DDX10: variants seen among roughly 807,000 people sequenced by gnomAD.
The protein encoded by DDX10 is probable ATP-dependent RNA helicase DDX10.
In DDX10, 74 loss-of-function variants were observed where a neutral mutation model predicts 104.3. The observed-to-expected ratio is 0.71, with a 90% CI of 0.59 to 0.86. The LOEUF is 0.86. Among genes scored for constraint, DDX10 ranks in the 40% least tolerant of loss-of-function variants. DDX10 has a pLI of 0.00. For synonymous variants in DDX10, 351 were observed against 353.4 expected (o/e 0.99, Z 0.08); for missense variants, 952 against 1,040.0 (o/e 0.92, Z 1.16).
intron 13 of DDX10, among the ~76,000 whole-genome samples, chr11:108,776,822 A>G (rs1471030006): frequency 6.6e-6 from 1 of 152,220 alleles, no homozygotes; most frequent in Non-Finnish European, 1.5e-5. Context: ...TCCCTGGCTG[A>G]CAGCCAGCAA....
At chr11:108,795,863 T>C (rs983401580) in intron 13 of DDX10, among the ~76,000 whole-genome samples, 10 of 152,206 alleles carry the variant, frequency 6.6e-5, no homozygotes, top group African/African-American at 2.4e-4. Flanking sequence ...TACCCAGTAA[T>C]GGGATGGCTG....
At chr11:108,936,211 A>G (rs1023347707) in intron 17 of DDX10, among the ~76,000 whole-genome samples, 25 of 152,304 alleles carry the variant, frequency 1.6e-4, no homozygotes, top group Non-Finnish European at 3.1e-4. Flanking sequence ...TTCAGATTAC[A>G]TATTACATGC....
Position 108,665,204 on chromosome 11 carries a change from G to T in DDX10, c.51G>T (p.Val17=). ...GTTCGGGAGCCCGACCCGACCCGGT[G>T]CGGAGCTTCAATCGCTGGAAGAAAA... ...SPGSGARPDP[V]RSFNRWKKKH... Residue 17 remains valine (V), a synonymous_variant, in exon 1 of 18, where the codon GTG becomes GTT. Transcript: ENST00000322536. 9 of 1,613,510 alleles carry T rather than the reference G, an allele frequency of 5.6e-6. No individual in the cohort carries two copies. The highest frequency in any genetic ancestry group is 7.6e-6 in the Non-Finnish European group (9 of 1,179,800).
At chr11:108,808,920 T>C (rs1453358640) in intron 13 of DDX10, among the ~76,000 whole-genome samples, 2 of 152,194 alleles carry the variant, frequency 1.3e-5, no homozygotes, top group Non-Finnish European at 2.9e-5. Flanking sequence ...GTTTTTATAA[T>C]TGAACATAGT....
chr11:108,904,418 G>T (rs981443050), intron 16 of DDX10, among the ~76,000 whole-genome samples: 1 of 152,044 alleles, frequency 6.6e-6, no homozygotes, highest in Non-Finnish European at 1.5e-5. Flanking sequence ...GAATGCACAT[G>T]GTTAATGGAT....
intron 16 of DDX10, among the ~76,000 whole-genome samples, chr11:108,871,453 T>C (rs1863080838): frequency 6.6e-6 from 1 of 152,194 alleles, no homozygotes; most frequent in Non-Finnish European, 1.5e-5. Flanking sequence ...TTGCATTTGA[T>C]TCATCCCCTT....
chr11:108,695,217 T>A (rs2094258047), intron 9 of DDX10, among the ~76,000 whole-genome samples: 1 of 152,216 alleles, frequency 6.6e-6, no homozygotes, highest in South Asian at 2.1e-4. Context: ...GTTTAAGAAT[T>A]GGAATTTATT....
At chr11:108,801,926 CAT>C (rs973591528) in intron 13 of DDX10, among the ~76,000 whole-genome samples, 4 of 151,460 alleles carry the variant, frequency 2.6e-5, no homozygotes, top group Non-Finnish European at 4.4e-5. Context: ...AAATTCTCAA[CAT>C]AGCACTGTTC....
chr11:108,675,587 T>C lies in DDX10; in HGVS notation c.248-9T>C. On this transcript the variant is annotated splice_polypyrimidine_tract_variant and intron_variant, in intron 2 of 17. Coordinates refer to ENST00000322536, the MANE Select transcript of DDX10 (RefSeq NM_004398.4). ...TTCTAAAGTATAATTCTTCCCTCCA[T>C]GTTGCCAGGTTTGCAAGAAGCTCAG... The C allele has an allele frequency of 9.3e-6, 15 of 1,613,076 alleles. No homozygotes were observed. The highest frequency in any genetic ancestry group is 1.1e-5 in the Non-Finnish European group (13 of 1,179,574).
chr11:108,777,428 C>G (rs2094371430), intron 13 of DDX10, among the ~76,000 whole-genome samples: 1 of 152,044 alleles, frequency 6.6e-6, no homozygotes. Flanking sequence ...CTCCTGGATT[C>G]AAGCGAATCC....
At chr11:108,893,980 A>C (rs1184708239) in intron 16 of DDX10, among the ~76,000 whole-genome samples, 3 of 152,098 alleles carry the variant, frequency 2.0e-5, no homozygotes, top group Non-Finnish European at 4.4e-5. Flanking sequence ...TGGAAAACTG[A>C]TTATATTAAA....
intron 6 of DDX10, among the ~76,000 whole-genome samples, chr11:108,685,476 A>G (rs1386862033): frequency 3.3e-5 from 5 of 151,934 alleles, no homozygotes; most frequent in Non-Finnish European, 7.4e-5. Flanking sequence ...ATGGAAATGC[A>G]GAAATCACCC....
chr11:108,769,448 T>TA (rs369822189), intron 13 of DDX10, among the ~76,000 whole-genome samples: 6 of 151,854 alleles, frequency 4.0e-5, no homozygotes, highest in African/African-American at 9.7e-5. Context: ...AATCTGCTCT[T>TA]AAAAAAAAGT....
chr11:108,907,241 G>T (rs1480132410), intron 16 of DDX10, among the ~76,000 whole-genome samples: 2 of 152,036 alleles, frequency 1.3e-5, no homozygotes, highest in Non-Finnish European at 2.9e-5. Flanking sequence ...TTATTGACAG[G>T]ACCAATTCTG....
chr11:108,665,306 G>C lies in DDX10; in HGVS notation c.153G>C (p.Glu51Asp), dbSNP rs1351555735. The C allele has an allele frequency of 1.2e-6, 2 of 1,604,562 alleles. No homozygotes were observed. The highest frequency in any genetic ancestry group is 2.7e-5 in the African/African-American group (2 of 74,142). ...LKKPEWQVER[E>D]SISRLMQNYE... ...AACCCGAATGGCAGGTCGAGCGCGA[G>C]AGTATCAGCCGCCTCATGCAGAACT... The change falls in exon 1 of 18, where the codon GAG becomes GAC. Residue 51 changes from glutamate to aspartate, a missense_variant. Glu to Asp is a conservative substitution (Grantham distance 45). This residue lies in a region of DDX10 where 412 missense variants were observed against 479.2 expected (regional missense o/e 0.86). Transcript: ENST00000322536.
intron 13 of DDX10, among the ~76,000 whole-genome samples, chr11:108,752,840 G>A (rs938654608): frequency 6.6e-6 from 1 of 152,072 alleles, no homozygotes; most frequent in Non-Finnish European, 1.5e-5. Flanking sequence ...GGAATATAAA[G>A]TGATTTGATT....
intron 16 of DDX10, among the ~76,000 whole-genome samples, chr11:108,884,895 A>T (rs888602037): frequency 3.3e-5 from 5 of 152,266 alleles, no homozygotes; most frequent in Non-Finnish European, 7.3e-5. Context: ...TCTACACACG[A>T]ATGTTTTGAT....
chr11:108,712,909 T>G (rs1388277759), intron 10 of DDX10, among the ~76,000 whole-genome samples: 4 of 152,132 alleles, frequency 2.6e-5, no homozygotes, highest in Non-Finnish European at 5.9e-5. Flanking sequence ...TGTTTCTCTT[T>G]CACTTTTGAA....
At chr11:108,762,340 A>G (rs1490039601) in intron 13 of DDX10, among the ~76,000 whole-genome samples, 2 of 152,222 alleles carry the variant, frequency 1.3e-5, no homozygotes, top group Admixed American at 1.3e-4. Flanking sequence ...ACTGTCAGGT[A>G]AATGGTGTGG....
Sources: allele counts gnomAD v4.1 joint callset (sites outside exome capture counted in the v4.1 genomes callset), GRCh38; gene constraint gnomAD v4.1.1; regional missense constraint gnomAD v4.1.1; transcripts MANE v1.5; gene names NCBI Gene and HGNC (gene_info 2026-07-23, HGNC 2026-07-21).